NCOR2: variants seen among roughly 807,000 people sequenced by gnomAD.
NCOR2 encodes nuclear receptor corepressor 2.
NCOR2 carries 81 observed loss-of-function variants against 262.9 expected under a neutral mutation model. The ratio of observed to expected loss-of-function variants is 0.31; its 90% CI spans 0.26 to 0.37. NCOR2 has a LOEUF of 0.37. NCOR2 is among the 10% of genes least tolerant of loss of function. NCOR2 has a pLI of 1.00. For synonymous variants in NCOR2, 1,659 were observed against 1,559.3 expected (o/e 1.06, Z -1.51); for missense variants, 3,385 against 3,621.4 (o/e 0.93, Z 1.68).
chr12:124,344,248 C>CCA (rs2135844108), intron 32 of NCOR2, among the ~76,000 whole-genome samples: 1 of 152,318 alleles, frequency 6.6e-6, no homozygotes, highest in Non-Finnish European at 1.5e-5. Flanking sequence ...GCCCCAAGGC[C>CCA]ATAGCAAAAT....
upstream of NCOR2, among the ~76,000 whole-genome samples, chr12:124,499,818 G>C (rs746401460): frequency 2.0e-5 from 3 of 152,166 alleles, no homozygotes; most frequent in Non-Finnish European, 4.4e-5. Context: ...AGTGTTTTAC[G>C]AGCAGGCACT....
rs1199740084 is a variant in NCOR2, at chr12:124,335,675, G to GT, written c.6116-44dup. On this transcript the variant is annotated intron_variant, in intron 38 of 46. Transcript: ENST00000405201. ...TGCAGAGTCAGGCACCGGGCCCAGG[G>GT]TTTCGGAGCCCGAGGGGCAGGGCTG... The GT allele has an allele frequency of 1.9e-6, 3 of 1,561,330 alleles. No individual in the cohort carries two copies. In the East Asian group the frequency reaches 6.8e-5, roughly 35 times the overall value.
intron 16 of NCOR2, among the ~76,000 whole-genome samples, chr12:124,397,819 A>G (rs1245381583): frequency 6.6e-6 from 1 of 152,232 alleles, no homozygotes; most frequent in African/African-American, 2.4e-5. Flanking sequence ...TGCTGGCCAC[A>G]GAGGTCACCC....
chr12:124,461,967 G>T (rs989436533), intron 5 of NCOR2, among the ~76,000 whole-genome samples: 2 of 152,150 alleles, frequency 1.3e-5, no homozygotes, highest in Non-Finnish European at 2.9e-5. Context: ...TGTGCACACA[G>T]CCATCCAGAG....
chr12:124,372,350 T>C lies in NCOR2; in HGVS notation c.2479A>G (p.Lys827Glu), dbSNP rs200545956. The change falls in exon 20 of 47, where the codon AAG becomes GAG. Residue 827 changes from lysine (K) to glutamate (E), a missense_variant. Lys to Glu is a moderately conservative substitution (Grantham distance 56). This residue lies in a region of NCOR2 where 1,615 missense variants were observed against 1,626.9 expected (regional missense o/e 0.99). Coordinates refer to ENST00000405201, the Ensembl canonical transcript of NCOR2. Reference sequence around the variant, plus strand: ...GGCGCTGCTGCGGTCTCCTCCTCCTTCTCCTCCTTGGGGACCACAGGAGGA... The same window carrying C: ...GGCGCTGCTGCGGTCTCCTCCTCCTCCTCCTCCTTGGGGACCACAGGAGGA... 24 of 1,514,758 alleles carry C rather than the reference T, an allele frequency of 1.6e-5. No individual in the cohort carries two copies. In the African/African-American group the frequency reaches 2.1e-4, roughly 13 times the overall value. The allele number at this position is 1,514,758 out of a possible 1,614,324, so 93.8% of individuals were successfully genotyped here.
chr12:124,552,874 G>A (rs1259074589), intron 1 of NCOR2, among the ~76,000 whole-genome samples: 1 of 152,074 alleles, frequency 6.6e-6, no homozygotes, highest in Non-Finnish European at 1.5e-5. Context: ...ATAGAGACAG[G>A]GGGTCCCACT....
At chr12:124,552,453 T>TG (rs2051742334) in intron 1 of NCOR2, among the ~76,000 whole-genome samples, 2 of 152,238 alleles carry the variant, frequency 1.3e-5, no homozygotes, top group Non-Finnish European at 2.9e-5. Context: ...CTTCACTCTG[T>TG]GCTCTTCAGC....
intron 15 of NCOR2, among the ~76,000 whole-genome samples, chr12:124,399,281 G>A (rs1484715221): frequency 6.6e-6 from 1 of 152,148 alleles, no homozygotes; most frequent in East Asian, 1.9e-4. Flanking sequence ...GAAGCCTACA[G>A]AAGCCAGGGG....
chr12:124,329,355 G>C (rs1445888865), intron 44 of NCOR2, among the ~76,000 whole-genome samples: 5 of 152,064 alleles, frequency 3.3e-5, no homozygotes. Context: ...CCGCTACTTG[G>C]GAGGCTGAGG....
At chr12:124,344,897 C>T (rs374057697) in exon 32 of NCOR2, 74 of 1,579,612 alleles carry the variant, frequency 4.7e-5, no homozygotes, top group Non-Finnish European at 6.1e-5. Context: ...GAGCGTACGT[C>T]GTGCTTTTTG....
chr12:124,363,254 A>G (rs1284385177), intron 21 of NCOR2, among the ~76,000 whole-genome samples: 1 of 152,184 alleles, frequency 6.6e-6, no homozygotes, highest in African/African-American at 2.4e-5. Context: ...CTCCCTGGAG[A>G]AGGCACCTCC....
intron 1 of NCOR2, among the ~76,000 whole-genome samples, chr12:124,544,852 C>A (rs967606865): frequency 6.6e-6 from 1 of 151,964 alleles, no homozygotes; most frequent in South Asian, 2.1e-4. Context: ...ACTGCGACCC[C>A]TGTGTGTGCT....
At chr12:124,460,262 G>C (rs1338234530) in intron 5 of NCOR2, among the ~76,000 whole-genome samples, 1 of 152,242 alleles carries the variant, frequency 6.6e-6, no homozygotes, top group Non-Finnish European at 1.5e-5. Context: ...CTCAGGAATG[G>C]TCTAAATACC....
At chr12:124,385,963 G>A (rs530953372) in intron 16 of NCOR2, 76 bp from the exon 19 acceptor site, 46 of 1,530,640 alleles carry the variant, frequency 3.0e-5, no homozygotes, top group East Asian at 4.6e-5. Flanking sequence ...TGGCCTGGGC[G>A]GCAAACGGGC....
At chr12:124,466,393 G>A (rs1168643098) in intron 4 of NCOR2, 107 bp from the exon 7 acceptor site, 18 of 941,266 alleles carry the variant, frequency 1.9e-5, no homozygotes, top group South Asian at 2.9e-5. Flanking sequence ...CCACGGCCGC[G>A]CACAGGAAGT....
At chr12:124,560,081 C>T (rs1409106346) in intron 1 of NCOR2, among the ~76,000 whole-genome samples, 1 of 152,192 alleles carries the variant, frequency 6.6e-6, no homozygotes, top group African/African-American at 2.4e-5. Context: ...GTTTTAGGGC[C>T]TACCTGGAAT....
rs2041152037 is a variant in NCOR2 at position 124,389,786 on chromosome 12, GC to G, written c.1877-3900del. 6.6e-6 allele frequency among the ~76,000 whole-genome samples: 1 copy of G among 152,210 alleles called. No individual in the cohort carries two copies. The highest frequency in any genetic ancestry group is 1.5e-5 in the Non-Finnish European group (1 of 68,036). On this transcript the variant is annotated intron_variant, in intron 16 of 46. Coordinates refer to ENST00000405201, the Ensembl canonical transcript of NCOR2. This position sits in a 1 kb window ranked among gnomAD's most constrained non-coding sequence, Gnocchi z 4.4. The stretch of plus-strand genomic sequence containing the variant: ...TTTGGGGATTTGGGGTCCCCAAAGA[GC>G]CCTCTGCTGCTGGGGGGGTCTCGGG...
chr12:124,519,076 C>T lies in NCOR2; in HGVS notation c.-118+16489G>A, dbSNP rs143262219. ...TCGGTGACAGGCCTAGAAAAGAAGACGTGGCCAAATAATACACACACACAC... is the reference window on the plus strand; with the variant it reads ...TCGGTGACAGGCCTAGAAAAGAAGATGTGGCCAAATAATACACACACACAC... On this transcript the variant is annotated intron_variant, in intron 1 of 46. Transcript: ENST00000404621. Among the ~76,000 whole-genome samples, 330 of 37,406 alleles carry T rather than the reference C, an allele frequency of 8.8e-3. 4 individuals are homozygous for T. Among genetic ancestry groups the T allele is most frequent in the African/African-American group, 0.016 (325 of 20,026 alleles). The allele number at this position is 37,406 out of a possible 152,430, so 24.5% of individuals were successfully genotyped here.
intron 28 of NCOR2, 82 bp from the exon 31 acceptor site, chr12:124,348,396 T>G: frequency 6.7e-7 from 1 of 1,500,912 alleles, no homozygotes; most frequent in South Asian, 1.3e-5. Context: ...GCAGAGCCGG[T>G]AGGCAGGAGC....
Sources: gnomAD v4.1 joint callset for allele counts (sites outside exome capture counted in the v4.1 genomes callset) on GRCh38, gnomAD v4.1.1 for gene constraint, gnomAD v4.1.1 regional missense constraint, Gnocchi (gnomAD v3.1) non-coding constraint, MANE v1.5 for transcripts, NCBI Gene and HGNC (gene_info 2026-07-23, HGNC 2026-07-21) for gene names.